The following MN1 variants were observed in gnomAD, a reference collection of about 807,000 sequenced individuals.
MN1 encodes the protein transcriptional activator MN1.
A neutral mutation model predicts 86.9 loss-of-function variants in MN1; 19 were observed. That is an observed-to-expected ratio of 0.22 (90% CI 0.15 to 0.32). The LOEUF (loss-of-function observed/expected upper bound fraction) is 0.32. Ranked by LOEUF, MN1 falls within the 10% of genes least tolerant of loss-of-function variation. MN1 has a pLI of 1.00. For missense variants in MN1, 1,841 were observed against 1,862.0 expected (o/e 0.99, Z 0.21); for synonymous variants, 928 against 849.6 (o/e 1.09, Z -1.60).
At chr22:27,765,675 TG>T (rs1311398409) in intron 1 of MN1, among the ~76,000 whole-genome samples, 3 of 151,888 alleles carry the variant, frequency 2.0e-5, no homozygotes, top group African/African-American at 4.8e-5. Context: ...TGGACAGTAG[TG>T]GGGGGAGCAC....
Position 27,799,627 on chromosome 22 carries a change from TGCTGCTGGGGCTGCTGCTGCTGCTGGG to T in MN1, c.890_916del (p.Pro297_Gln305del), listed in dbSNP as rs1933391702. 6.5e-7 allele frequency: 1 copy of T among 1,546,634 alleles called. No homozygotes were observed. Among genetic ancestry groups the T allele is most frequent in the African/African-American group, 1.4e-5 (1 of 72,856 alleles). On this transcript the variant is annotated inframe_deletion, in exon 1 of 2. Coordinates refer to ENST00000302326, the MANE Select transcript of MN1 (RefSeq NM_002430.3). ...AAAGAACACACCATGCTGCTGCTGC[TGCTGCTGGGGCTGCTGCTGCTGCTGGG>T]GCTGCTGCTGCGGTGGCTGGGCGTG...
intron 1 of MN1, among the ~76,000 whole-genome samples, chr22:27,751,729 G>A (rs1225673239): frequency 6.6e-6 from 1 of 152,184 alleles, no homozygotes; most frequent in Non-Finnish European, 1.5e-5. Context: ...GAGAAAGTGT[G>A]GAGTCACAGC....
rs189102127 is a variant in MN1, at chr22:27,770,575, C to T, written c.3782-19479G>A. On this transcript the variant is annotated intron_variant, in intron 1 of 1. Transcript: ENST00000302326. ...AGTCCTGACTTGATCAAAGAACACACGAAGAGTTTACAGATACAAGCATAA... is the reference window on the plus strand; with the variant it reads ...AGTCCTGACTTGATCAAAGAACACATGAAGAGTTTACAGATACAAGCATAA... 2.7e-4 allele frequency among the ~76,000 whole-genome samples: 41 copies of T among 152,266 alleles called. No homozygotes were observed. The South Asian group carries it at 4.2e-3, about 15-fold the overall frequency.
At chr22:27,764,245 T>C (rs1201502827) in intron 1 of MN1, among the ~76,000 whole-genome samples, 1 of 152,190 alleles carries the variant, frequency 6.6e-6, no homozygotes, top group Non-Finnish European at 1.5e-5. Flanking sequence ...CTTAGAAACA[T>C]AGCCCCTTAT....
chr22:27,792,409 C>T lies in MN1; in HGVS notation c.3781+4354G>A, dbSNP rs370728570. Reference sequence around the variant, plus strand: ...CAATGGCTATTTAAAATCAAAACAGCCAGAAAACCCAGTGGTAGAAAACCA... The same window carrying T: ...CAATGGCTATTTAAAATCAAAACAGTCAGAAAACCCAGTGGTAGAAAACCA... On this transcript the variant is annotated intron_variant, in intron 1 of 1. Coordinates refer to ENST00000302326, the MANE Select transcript of MN1 (RefSeq NM_002430.3). Among the ~76,000 whole-genome samples, 23 of 145,208 alleles carry T rather than the reference C, an allele frequency of 1.6e-4. No homozygotes were observed. In the East Asian group the frequency reaches 2.6e-3, roughly 16 times the overall value.
At chr22:27,765,692 C>G (rs997295357) in intron 1 of MN1, among the ~76,000 whole-genome samples, 8 of 152,148 alleles carry the variant, frequency 5.3e-5, no homozygotes, top group African/African-American at 1.7e-4. Context: ...AGCACTGACC[C>G]GGGTCTGGCC....
intron 1 of MN1, among the ~76,000 whole-genome samples, chr22:27,760,794 C>A (rs1382867378): frequency 5.3e-5 from 8 of 152,218 alleles, no homozygotes; most frequent in Non-Finnish European, 7.3e-5. Context: ...ATGACAACTT[C>A]CATCAATAGT....
chr22:27,775,290 T>C (rs772545779), intron 1 of MN1, among the ~76,000 whole-genome samples: 2 of 152,088 alleles, frequency 1.3e-5, no homozygotes, highest in Non-Finnish European at 2.9e-5. Context: ...ATCCAAACAC[T>C]GTATGTGAGT....
rs1206192890 is a variant in MN1 at position 27,798,391 on chromosome 22, C to A, written c.2153G>T (p.Gly718Val). The change falls in exon 1 of 2, where the codon GGC becomes GTC. Residue 718 changes from glycine (G) to valine (V), a missense_variant. Coordinates refer to ENST00000302326, the MANE Select transcript of MN1 (RefSeq NM_002430.3). ...GLGQLQSPGA[G>V]VGLPSAASER... ...CGAAGCAGCGCTGGGGAGCCCCACG[C>A]CCGCCCCGGGCGACTGCAGCTGACC... 1 of 1,508,474 alleles carries A rather than the reference C, an allele frequency of 6.6e-7. No individual in the cohort carries two copies. The highest frequency in any genetic ancestry group is 8.8e-7 in the Non-Finnish European group (1 of 1,137,568). 93.4% of individuals were successfully genotyped at this position (1,508,474 alleles called of 1,614,324 possible). A position where few individuals can be genotyped will look rare whatever the true frequency, so the allele number is the denominator to read the frequency against.
chr22:27,761,221 TTCTC>T (rs3831688), intron 1 of MN1, among the ~76,000 whole-genome samples: 1 of 148,854 alleles, frequency 6.7e-6, no homozygotes, highest in Non-Finnish European at 1.5e-5. Context: ...CTCTCTCTCT[TTCTC>T]TCTCTCTCTC....
At chr22:27,771,577 CA>C (rs1932917006) in intron 1 of MN1, among the ~76,000 whole-genome samples, 1 of 151,962 alleles carries the variant, frequency 6.6e-6, no homozygotes, top group South Asian at 2.1e-4. Context: ...TACTTCATAA[CA>C]AATGAAAATT....
At chr22:27,784,433 T>C (rs1416585224) in intron 1 of MN1, among the ~76,000 whole-genome samples, 3 of 152,154 alleles carry the variant, frequency 2.0e-5, no homozygotes, top group Non-Finnish European at 2.9e-5. Context: ...CACAATCTAA[T>C]GTCAAAAATC....
chr22:27,794,114 GA>G (rs1206094026), intron 1 of MN1, among the ~76,000 whole-genome samples: 2 of 152,052 alleles, frequency 1.3e-5, no homozygotes, highest in Non-Finnish European at 2.9e-5. Context: ...ATTTTGCTAT[GA>G]TTTTTTTTTC....
chr22:27,800,684 C>A lies in MN1; in HGVS notation c.-141G>T. 1 of 1,160,784 alleles carries A rather than the reference C, an allele frequency of 8.6e-7. No homozygotes were observed. The highest frequency in any genetic ancestry group is 1.5e-5 in the South Asian group (1 of 68,670). 71.9% of individuals were successfully genotyped at this position (1,160,784 alleles called of 1,614,324 possible). On this transcript the variant is annotated 5_prime_UTR_variant, in exon 1 of 2. Transcript: ENST00000302326. ...GCGGGGGCTCAGCGCGCACCTCCAC[C>A]CCGCCTGATGTGAGGGACGGGGGGC...
rs867124670 is a variant in MN1, at chr22:27,799,459, G to T, written c.1085C>A (p.Pro362Gln). The change falls in exon 1 of 2, where the codon CCG becomes CAG. Residue 362 changes from proline to glutamine, a missense_variant. Physicochemically the swap from Pro to Gln is moderately conservative, Grantham distance 76. Transcript: ENST00000302326. Reference protein sequence around the residue: ...PPQQPPQQQPPPPPGLLVRQN... With the variant: ...PPQQPPQQQPQPPPGLLVRQN... ...TCGGACTAGAAGCCCGGGTGGCGGC[G>T]GCGGCTGCTGCTGTGGCGGCTGCTG... 1 of 1,453,848 alleles carries T rather than the reference G, an allele frequency of 6.9e-7. No homozygotes were observed. 90.1% of individuals were successfully genotyped at this position (1,453,848 alleles called of 1,614,324 possible). A position where few individuals can be genotyped will look rare whatever the true frequency, so the allele number is the denominator to read the frequency against.
chr22:27,780,145 G>A (rs1048647087), intron 1 of MN1, among the ~76,000 whole-genome samples: 10 of 152,274 alleles, frequency 6.6e-5, no homozygotes, highest in South Asian at 2.1e-4. Flanking sequence ...ATGAAGCACC[G>A]TTCAATGCAC....
Position 27,798,135 on chromosome 22 carries a change from G to C in MN1, c.2409C>G (p.Gly803=). The change falls in exon 1 of 2, where the codon GGC becomes GGG. Residue 803 remains glycine, a synonymous_variant. Transcript: ENST00000302326. ...TGTTGAAGGAGCCCAGCGAGAGCGC[G>C]CCCAATTTACTGGCCGAGGTGCGCT... is the stretch of plus-strand genomic sequence containing the variant. The part of the protein sequence containing the change: ...PSQRTSASKL[G]ALSLGSFNKP... 2 of 1,604,104 alleles carry C rather than the reference G, an allele frequency of 1.2e-6. No individual in the cohort carries two copies. The highest frequency in any genetic ancestry group is 1.7e-6 in the Non-Finnish European group (2 of 1,177,620).
Position 27,799,429 on chromosome 22 carries a change from T to C in MN1, c.1115A>G (p.Asn372Ser). Residue 372 changes from asparagine (N) to serine (S), a missense_variant, in exon 1 of 2, where the codon AAT becomes AGT. By Grantham distance (46) the Asn-to-Ser change is conservative. Transcript: ENST00000302326. Reference sequence around the variant, plus strand: ...CCGAGGGAGCGCAGGCGGGCACGAATTTTGTCGGACTAGAAGCCCGGGTGG... The same window carrying C: ...CCGAGGGAGCGCAGGCGGGCACGAACTTTGTCGGACTAGAAGCCCGGGTGG... ...PPPPGLLVRQ[N>S]SCPPALPRPQ... 1 of 1,475,904 alleles carries C rather than the reference T, an allele frequency of 6.8e-7. No individual in the cohort carries two copies. Among genetic ancestry groups the C allele is most frequent in the South Asian group, 1.4e-5 (1 of 71,630 alleles). The allele number at this position is 1,475,904 out of a possible 1,614,324, so 91.4% of individuals were successfully genotyped here.
In MN1 at chr22:27,750,579, A is replaced by C; in HGVS notation, c.*336T>G. 1 of 253,330 alleles carries C rather than the reference A, an allele frequency of 3.9e-6. No individual in the cohort carries two copies. The allele number at this position is 253,330 out of a possible 1,614,324, so 15.7% of individuals were successfully genotyped here. On this transcript the variant is annotated 3_prime_UTR_variant, in exon 2 of 2. Coordinates refer to ENST00000302326, the MANE Select transcript of MN1 (RefSeq NM_002430.3). ...AACAAAACAAGGAAAGAGGTCATCT[A>C]AAAAATGTATGCCAAGATTACCGAA...
Sources: allele counts gnomAD v4.1 joint callset (sites outside exome capture counted in the v4.1 genomes callset), GRCh38; gene constraint gnomAD v4.1.1; transcripts MANE v1.5; gene names NCBI Gene and HGNC (gene_info 2026-07-23, HGNC 2026-07-21).